The following PCDH9 variants were observed in gnomAD, a reference collection of about 807,000 sequenced individuals.
PCDH9 encodes the protein protocadherin 9, also known as protocadherin-9.
PCDH9 carries 24 observed loss-of-function variants against 70.6 expected under a neutral mutation model. The observed-to-expected ratio is 0.34, with a 90% CI of 0.25 to 0.48. The LOEUF is 0.48. Among genes scored for constraint, PCDH9 ranks in the 20% least tolerant of loss-of-function variants. The pLI, the probability that PCDH9 is intolerant of heterozygous loss-of-function variation, is 0.99. For missense variants in PCDH9, 1,281 were observed against 1,503.6 expected (o/e 0.85, Z 2.45); for synonymous variants, 562 against 558.5 (o/e 1.01, Z -0.09).
At chr13:66,594,468 GTTTATTTTAT>G (rs57782546) in intron 4 of PCDH9, among the ~76,000 whole-genome samples, 31,339 of 139,396 alleles carry the variant, frequency 0.22, 3,756 homozygotes, top group Middle Eastern at 0.29. Context: ...GTTACTTTTT[GTTTATTTTAT>G]TTTATTTTAT....
intron 4 of PCDH9, among the ~76,000 whole-genome samples, chr13:66,587,642 T>C (rs1009127123): frequency 6.6e-6 from 1 of 152,164 alleles, no homozygotes; most frequent in African/African-American, 2.4e-5. Context: ...TATGTGAAAG[T>C]AGCTTCCTGA....
At chr13:66,650,722 C>T (rs1467756238) in intron 3 of PCDH9, among the ~76,000 whole-genome samples, 1 of 151,802 alleles carries the variant, frequency 6.6e-6, no homozygotes, top group African/African-American at 2.4e-5. Context: ...CCAACAGCTG[C>T]AAAATACACA....
At chr13:67,158,046 C>T (rs148789706) in intron 2 of PCDH9, among the ~76,000 whole-genome samples, 7 of 152,306 alleles carry the variant, frequency 4.6e-5, no homozygotes, top group African/African-American at 1.7e-4. Flanking sequence ...AACTGAATGT[C>T]AGAATCTCAC....
chr13:66,587,016 C>T (rs987589789), intron 4 of PCDH9, among the ~76,000 whole-genome samples: 1 of 152,018 alleles, frequency 6.6e-6, no homozygotes, highest in Admixed American at 6.6e-5. Flanking sequence ...ACTGCGAGTA[C>T]GGCACCCGTC....
intron 3 of PCDH9, among the ~76,000 whole-genome samples, chr13:66,699,252 C>T (rs1235063718): frequency 1.3e-5 from 2 of 151,954 alleles, no homozygotes; most frequent in African/African-American, 2.4e-5. Context: ...ATTAGCACAA[C>T]AGGAAATAAT....
chr13:67,111,033 TA>T (rs1315948395), intron 2 of PCDH9, among the ~76,000 whole-genome samples: 1 of 152,204 alleles, frequency 6.6e-6, no homozygotes, highest in Non-Finnish European at 1.5e-5. Flanking sequence ...CTGATTGAAT[TA>T]AAAAACAGCT....
At chr13:67,030,902 CTATT>C (rs1217858693) in intron 2 of PCDH9, among the ~76,000 whole-genome samples, 8 of 152,128 alleles carry the variant, frequency 5.3e-5, no homozygotes. Context: ...GTATTTTTAA[CTATT>C]CATTCAGAGT....
At chr13:66,977,232 C>A (rs989866015) in intron 2 of PCDH9, among the ~76,000 whole-genome samples, 1 of 151,884 alleles carries the variant, frequency 6.6e-6, no homozygotes, top group African/African-American at 2.4e-5. Flanking sequence ...TGGGGGATCT[C>A]GTCTAATTTT....
chr13:66,666,922 T>C (rs928784956), intron 3 of PCDH9, among the ~76,000 whole-genome samples: 5 of 152,198 alleles, frequency 3.3e-5, no homozygotes, highest in African/African-American at 9.6e-5. Context: ...TCCTCTTTTA[T>C]ATTTAAGAAA....
chr13:67,103,920 T>C (rs1304896678), intron 2 of PCDH9, among the ~76,000 whole-genome samples: 2 of 152,190 alleles, frequency 1.3e-5, no homozygotes, highest in Non-Finnish European at 2.9e-5. Flanking sequence ...AGGCCAATTG[T>C]GAGAGTTCAG....
chr13:67,213,865 T>C (rs908132396), intron 2 of PCDH9: 1 of 152,212 alleles, frequency 6.6e-6, no homozygotes, highest in African/African-American at 2.4e-5. Flanking sequence ...AGAAGTTACA[T>C]ATTTAATTTA....
At chr13:66,468,578 T>A (rs1265170143) in intron 4 of PCDH9, among the ~76,000 whole-genome samples, 1 of 152,146 alleles carries the variant, frequency 6.6e-6, no homozygotes, top group African/African-American at 2.4e-5. Context: ...AGTACAATGA[T>A]GATAGTGATG....
At chr13:66,778,144 AG>A (rs1425108534) in intron 3 of PCDH9, among the ~76,000 whole-genome samples, 1 of 74,748 alleles carries the variant, frequency 1.3e-5, no homozygotes, top group African/African-American at 5.3e-5. Flanking sequence ...GGGTGGGGGG[AG>A]GGGGGAGGTA....
chr13:66,657,079 C>G (rs936860174), intron 3 of PCDH9, among the ~76,000 whole-genome samples: 1 of 152,114 alleles, frequency 6.6e-6, no homozygotes, highest in Non-Finnish European at 1.5e-5. Context: ...CCTAGACCAC[C>G]AGGCAATCTA....
chr13:67,089,563 T>A (rs2086175713), intron 2 of PCDH9, among the ~76,000 whole-genome samples: 1 of 152,016 alleles, frequency 6.6e-6, no homozygotes, highest in Non-Finnish European at 1.5e-5. Context: ...TCAAGCAACA[T>A]AGAGTTTTGT....
chr13:66,566,426 C>T (rs938433535), intron 4 of PCDH9, among the ~76,000 whole-genome samples: 2 of 151,982 alleles, frequency 1.3e-5, no homozygotes, highest in African/African-American at 4.8e-5. Flanking sequence ...AGCAAGTCTC[C>T]CTTAGATATT....
At chr13:66,839,776 G>A (rs539423818) in intron 3 of PCDH9, among the ~76,000 whole-genome samples, 4 of 152,182 alleles carry the variant, frequency 2.6e-5, no homozygotes, top group African/African-American at 7.2e-5. Flanking sequence ...CTTGACTGGT[G>A]TGCTATCCCA....
chr13:66,506,102 A>T (rs771923086), intron 4 of PCDH9, among the ~76,000 whole-genome samples: 29 of 152,176 alleles, frequency 1.9e-4, no homozygotes, highest in Non-Finnish European at 3.4e-4. Flanking sequence ...CTCTCTTTAG[A>T]CTATGTGATT....
intron 2 of PCDH9, among the ~76,000 whole-genome samples, chr13:67,081,100 G>A (rs1249335585): frequency 6.6e-6 from 1 of 152,158 alleles, no homozygotes; most frequent in Non-Finnish European, 1.5e-5. Flanking sequence ...ATATCCATAT[G>A]TATTGTTTTA....
Sources: gnomAD v4.1 joint callset for allele counts (sites outside exome capture counted in the v4.1 genomes callset) on GRCh38, gnomAD v4.1.1 for gene constraint, MANE v1.5 for transcripts, NCBI Gene and HGNC (gene_info 2026-07-23, HGNC 2026-07-21) for gene names.